Variants in PRDM11 observed in about 807,000 individuals in gnomAD.
PRDM11 encodes the protein PR domain-containing protein 11.
Under a neutral mutation model 97.8 loss-of-function variants are expected in PRDM11, and 20 were observed. The ratio of observed to expected loss-of-function variants is 0.20; its 90% CI spans 0.14 to 0.30. PRDM11 has a LOEUF of 0.30. Ranked by LOEUF, PRDM11 falls within the 10% of genes least tolerant of loss-of-function variation. The probability of loss-of-function intolerance (pLI) is 1.00; values close to 1 mark genes in which losing one functional copy is unlikely to be tolerated. For synonymous variants in PRDM11, 599 were observed against 637.7 expected, an observed-to-expected ratio of 0.94 and a Z score of 0.91; for missense variants, 1,139 against 1,555.2, an observed-to-expected ratio of 0.73 and a Z score of 4.50.
intron 5 of PRDM11, among the ~76,000 whole-genome samples, chr11:45,210,063 G>T (rs1056669242): frequency 1.3e-5 from 2 of 152,226 alleles, no homozygotes; most frequent in Non-Finnish European, 2.9e-5. Flanking sequence ...GTAGCAGCGC[G>T]GGGGAGGGGG....
chr11:45,186,061 A>G (rs1305081352), intron 4 of PRDM11, among the ~76,000 whole-genome samples: 1 of 152,106 alleles, frequency 6.6e-6, no homozygotes, highest in Non-Finnish European at 1.5e-5. Context: ...TAATTCCCAG[A>G]GCTTCCTGAA....
chr11:45,178,970 G>A (rs1278688815), intron 1 of PRDM11, among the ~76,000 whole-genome samples: 2 of 152,336 alleles, frequency 1.3e-5, no homozygotes, highest in East Asian at 3.9e-4. Context: ...ACACTGCCAT[G>A]AAGTGTGACA....
intron 1 of PRDM11, among the ~76,000 whole-genome samples, chr11:45,140,978 CCA>C (rs1302703351): frequency 6.6e-6 from 1 of 152,038 alleles, no homozygotes; most frequent in Non-Finnish European, 1.5e-5. Flanking sequence ...AGAGAGTTGC[CCA>C]GAGTCCCAAG....
chr11:45,137,937 C>G (rs1298991293), intron 1 of PRDM11, among the ~76,000 whole-genome samples: 1 of 151,960 alleles, frequency 6.6e-6, no homozygotes, highest in Non-Finnish European at 1.5e-5. Flanking sequence ...TACACACACG[C>G]ACACATACAC....
At chr11:45,167,836 G>C (rs1852104058) in intron 1 of PRDM11, among the ~76,000 whole-genome samples, 1 of 151,790 alleles carries the variant, frequency 6.6e-6, no homozygotes, top group Admixed American at 6.6e-5. Context: ...TGAGCTGGCT[G>C]CCTGATAGTG....
At chr11:45,171,906 A>ACAATTCAATT (rs56328463) in intron 1 of PRDM11, among the ~76,000 whole-genome samples, 145 of 151,470 alleles carry the variant, frequency 9.6e-4, no homozygotes, top group Admixed American at 2.5e-3. Context: ...TGGGTGTCCA[A>ACAATTCAATT]CAATTCAATT....
chr11:45,189,521 G>A (rs980833180), intron 4 of PRDM11, among the ~76,000 whole-genome samples: 2 of 152,170 alleles, frequency 1.3e-5, no homozygotes, highest in South Asian at 2.1e-4. Context: ...CCTTCTGGGC[G>A]CTGATACTGG....
At position 45,097,315 on chromosome 11, in the gene PRDM11, G is replaced by A. The variant is rs73462497; in HGVS notation, c.96+1414G>A. Among the ~76,000 whole-genome samples, 1,096 of 152,286 alleles carry A rather than the reference G, an allele frequency of 7.2e-3. 10 individuals are homozygous for A. The highest frequency in any genetic ancestry group is 0.025 in the African/African-American group (1,054 of 41,542). Reference sequence around the variant, plus strand: ...ATGTAAACTGAAGGCACTGGACTAGGTTCCCTTCCAGTCTGAAATTCACAG... The same window carrying A: ...ATGTAAACTGAAGGCACTGGACTAGATTCCCTTCCAGTCTGAAATTCACAG... On this transcript the variant is annotated intron_variant, in intron 1 of 6. Coordinates refer to the PRDM11 transcript ENST00000530656.
intron 5 of PRDM11, chr11:45,213,572 G>T (rs1305613071): frequency 6.6e-6 from 3 of 456,460 alleles, no homozygotes; most frequent in African/African-American, 2.0e-5. Context: ...GTGCTCAGCT[G>T]CTGTGCTTGC....
chr11:45,155,151 C>T (rs775457684), intron 1 of PRDM11, among the ~76,000 whole-genome samples: 34 of 152,208 alleles, frequency 2.2e-4, no homozygotes, highest in Admixed American at 4.6e-4. Flanking sequence ...ATGGACGTCA[C>T]TGAGCAAGTA....
chr11:45,191,151 T>C (rs1852898604), intron 4 of PRDM11, among the ~76,000 whole-genome samples: 1 of 152,250 alleles, frequency 6.6e-6, no homozygotes, highest in South Asian at 2.1e-4. Flanking sequence ...ATGATATTGA[T>C]ACTTTTGAAA....
chr11:45,172,415 A>G (rs992488474), intron 1 of PRDM11, among the ~76,000 whole-genome samples: 2 of 152,202 alleles, frequency 1.3e-5, no homozygotes, highest in African/African-American at 4.8e-5. Flanking sequence ...CTCATCCTGA[A>G]GCTATCTGGG....
At chr11:45,155,030 G>T (rs1028131340) in intron 1 of PRDM11, among the ~76,000 whole-genome samples, 1 of 152,196 alleles carries the variant, frequency 6.6e-6, no homozygotes. Flanking sequence ...GGGTAGAAAG[G>T]GGGGTAGTGG....
chr11:45,178,096 G>A lies in PRDM11; in HGVS notation c.-6-3665G>A, dbSNP rs551067955. Among the ~76,000 whole-genome samples, 12 of 151,870 alleles carry A rather than the reference G, an allele frequency of 7.9e-5. 1 individual carries two copies. The highest frequency in any genetic ancestry group is 3.4e-3 in the Middle Eastern group (1 of 294). ...AGACAGGAAAACGTTTATATGCCTCGGTCCTTCTCTTTCAATCTCCCTTCC... is the reference window on the plus strand; with the variant it reads ...AGACAGGAAAACGTTTATATGCCTCAGTCCTTCTCTTTCAATCTCCCTTCC... On this transcript the variant is annotated intron_variant, in intron 1 of 7. Coordinates refer to ENST00000683152, the MANE Select transcript of PRDM11 (RefSeq NM_001384648.1).
intron 1 of PRDM11, among the ~76,000 whole-genome samples, chr11:45,117,669 C>T (rs1590349479): frequency 6.6e-6 from 1 of 152,120 alleles, no homozygotes; most frequent in Admixed American, 6.5e-5. Flanking sequence ...ATCACTTGAA[C>T]CCAGGAGTCT....
At chr11:45,142,348 A>G (rs1007142641), upstream of PRDM11, among the ~76,000 whole-genome samples, 12 of 152,104 alleles carry the variant, frequency 7.9e-5, no homozygotes, top group African/African-American at 2.9e-4. Flanking sequence ...CATCCTGCTC[A>G]GGGCCTTTGC....
Position 45,231,606 on chromosome 11 carries a change from G to A in PRDM11, c.*3447G>A, listed in dbSNP as rs1213130404. 1 of 151,842 alleles carries A rather than the reference G, an allele frequency of 6.6e-6. No individual in the cohort carries two copies. Among genetic ancestry groups the A allele is most frequent in the African/African-American group, 2.4e-5 (1 of 41,340 alleles). 9.4% of individuals were successfully genotyped at this position (151,842 alleles called of 1,614,324 possible). A position where few individuals can be genotyped will look rare whatever the true frequency, so the allele number is the denominator to read the frequency against. On this transcript the variant is annotated 3_prime_UTR_variant, in exon 8 of 8. Coordinates refer to ENST00000683152, the MANE Select transcript of PRDM11 (RefSeq NM_001384648.1). ...TGGTGGGAAGTGAGATCAACCTTGA[G>A]GCCCAGGTTTGTGGCCAACTGTGCC...
At chr11:45,172,760 G>T (rs771118943) in intron 1 of PRDM11, among the ~76,000 whole-genome samples, 1 of 152,192 alleles carries the variant, frequency 6.6e-6, no homozygotes, top group Non-Finnish European at 1.5e-5. Context: ...ATATCCAAAG[G>T]TTATGTGCAT....
chr11:45,226,704 C>A lies in PRDM11; in HGVS notation c.2079C>A (p.Ser693=). 1 of 1,533,976 alleles carries A rather than the reference C, an allele frequency of 6.5e-7. No individual in the cohort carries two copies. Among genetic ancestry groups the A allele is most frequent in the East Asian group, 2.4e-5 (1 of 40,910 alleles). The change falls in exon 8 of 8, where the codon TCC becomes TCA. Residue 693 remains serine (S), a synonymous_variant. Coordinates refer to ENST00000683152, the MANE Select transcript of PRDM11 (RefSeq NM_001384648.1). ...SDGPPATEFL[S]LQELGFSSTE... ...GGCCCCCGGCCACAGAGTTCCTGTC[C>A]CTGCAGGAGCTGGGATTCTCTAGCA...
Sources: gnomAD v4.1 joint callset for allele counts (sites outside exome capture counted in the v4.1 genomes callset) on GRCh38, gnomAD v4.1.1 for gene constraint, MANE v1.5 for transcripts, NCBI Gene and HGNC (gene_info 2026-07-23, HGNC 2026-07-21) for gene names.